The following AGBL4 variants were observed in gnomAD, a reference collection of about 807,000 sequenced individuals.
AGBL4 encodes cytosolic carboxypeptidase 6.
Under a neutral mutation model 66.4 loss-of-function variants are expected in AGBL4, and 58 were observed. The ratio of observed to expected loss-of-function variants is 0.87; its 90% CI spans 0.71 to 1.09. The LOEUF is 1.09. Ranked by LOEUF, AGBL4 falls within the 50% of genes least tolerant of loss-of-function variation. AGBL4 has a pLI of 0.00. For synonymous variants in AGBL4, 234 were observed against 222.9 expected (o/e 1.05, Z -0.44); for missense variants, 579 against 631.0 (o/e 0.92, Z 0.88).
At chr1:49,529,668 C>A (rs1176881839) in intron 3 of AGBL4, among the ~76,000 whole-genome samples, 2 of 152,042 alleles carry the variant, frequency 1.3e-5, no homozygotes, top group South Asian at 2.1e-4. Context: ...CAGCGCAAGA[C>A]CCTGTCTCAA....
chr1:49,775,800 C>T (rs1396825925), intron 2 of AGBL4, among the ~76,000 whole-genome samples: 5 of 151,878 alleles, frequency 3.3e-5, no homozygotes, highest in African/African-American at 9.6e-5. Flanking sequence ...CTTATAATAA[C>T]CTATAATAAT....
chr1:49,864,495 G>A (rs1317454032), intron 1 of AGBL4, among the ~76,000 whole-genome samples: 1 of 152,122 alleles, frequency 6.6e-6, no homozygotes, highest in Non-Finnish European at 1.5e-5. Flanking sequence ...CTCTCATTAG[G>A]AAAGACTAGG....
At chr1:49,380,578 T>C (rs1644580201) in intron 3 of AGBL4, among the ~76,000 whole-genome samples, 1 of 152,086 alleles carries the variant, frequency 6.6e-6, no homozygotes, top group South Asian at 2.1e-4. Context: ...GGCATCACGC[T>C]ACCTGACTTC....
At chr1:48,680,325 G>A (rs1219846974) in intron 6 of AGBL4, among the ~76,000 whole-genome samples, 1 of 152,176 alleles carries the variant, frequency 6.6e-6, no homozygotes, top group Non-Finnish European at 1.5e-5. Flanking sequence ...GATCGTGTCC[G>A]TTACCTTGCA....
chr1:49,717,948 C>T (rs141982266), intron 2 of AGBL4, among the ~76,000 whole-genome samples: 4 of 152,146 alleles, frequency 2.6e-5, no homozygotes, highest in East Asian at 1.9e-4. Flanking sequence ...ATGAAGCTAA[C>T]GATCAAGCTG....
At chr1:49,076,192 G>T (rs986741659) in intron 4 of AGBL4, among the ~76,000 whole-genome samples, 44 of 152,232 alleles carry the variant, frequency 2.9e-4, no homozygotes, top group African/African-American at 1.1e-3. Context: ...TTATCCCTCA[G>T]TATCTGTAGG....
chr1:49,481,100 G>T (rs1248777608), intron 3 of AGBL4, among the ~76,000 whole-genome samples: 3 of 152,056 alleles, frequency 2.0e-5, no homozygotes, highest in African/African-American at 7.2e-5. Flanking sequence ...ACTTAGGGTT[G>T]CCTTGGCTTT....
At chr1:50,009,387 A>G (rs1405493077) in intron 1 of AGBL4, among the ~76,000 whole-genome samples, 1 of 152,204 alleles carries the variant, frequency 6.6e-6, no homozygotes, top group Non-Finnish European at 1.5e-5. Context: ...ATGATACATC[A>G]TATCAACAGA....
At chr1:48,685,398 C>T (rs189516581) in intron 6 of AGBL4, among the ~76,000 whole-genome samples, 53 of 152,244 alleles carry the variant, frequency 3.5e-4, no homozygotes, top group African/African-American at 1.1e-3. Context: ...AGGAATTAGA[C>T]GAGAAGACTT....
intron 4 of AGBL4, among the ~76,000 whole-genome samples, chr1:49,229,735 C>T (rs1650165274): frequency 6.6e-6 from 1 of 152,102 alleles, no homozygotes; most frequent in Non-Finnish European, 1.5e-5. Flanking sequence ...AAATGAGTAA[C>T]CAGATCTGCT....
At chr1:49,493,840 G>A (rs1647290680) in intron 3 of AGBL4, among the ~76,000 whole-genome samples, 1 of 151,928 alleles carries the variant, frequency 6.6e-6, no homozygotes, top group Non-Finnish European at 1.5e-5. Flanking sequence ...AGTAAATAGA[G>A]TTTATTTAGA....
intron 2 of AGBL4, among the ~76,000 whole-genome samples, chr1:49,775,361 T>C: frequency 6.6e-6 from 1 of 152,186 alleles, no homozygotes; most frequent in East Asian, 1.9e-4. Flanking sequence ...TGTTATTCAA[T>C]AAGTACTAAT....
intron 3 of AGBL4, among the ~76,000 whole-genome samples, chr1:49,258,287 C>A (rs544158148): frequency 5.9e-5 from 9 of 152,138 alleles, no homozygotes; most frequent in African/African-American, 2.2e-4. Flanking sequence ...TCACCAGCAA[C>A]GGAACAAAGC....
At chr1:50,005,655 T>G (rs1250227263) in intron 1 of AGBL4, among the ~76,000 whole-genome samples, 4 of 152,172 alleles carry the variant, frequency 2.6e-5, no homozygotes, top group Non-Finnish European at 4.4e-5. Context: ...AACAATGAAC[T>G]AAATAAGTCA....
At chr1:48,526,387 A>T in the AGBL4 span, among the ~76,000 whole-genome samples, 1 of 152,176 alleles carries the variant, frequency 6.6e-6, no homozygotes, top group Non-Finnish European at 1.5e-5. Flanking sequence ...CAGGGAAATG[A>T]GGAGAATAAT....
At chr1:49,867,620 A>G (rs921202125) in intron 1 of AGBL4, among the ~76,000 whole-genome samples, 1 of 151,662 alleles carries the variant, frequency 6.6e-6, no homozygotes, top group Admixed American at 6.6e-5. Context: ...ATCTGGCCAA[A>G]CTAAGCTTCA....
At chr1:49,743,495 C>T (rs1309000279) in intron 2 of AGBL4, among the ~76,000 whole-genome samples, 10 of 152,116 alleles carry the variant, frequency 6.6e-5, no homozygotes, top group Admixed American at 1.3e-4. Flanking sequence ...GTTAGTGTGG[C>T]GATTCCTCAG....
At chr1:48,823,570 G>A (rs1342683712) in intron 6 of AGBL4, among the ~76,000 whole-genome samples, 1 of 152,176 alleles carries the variant, frequency 6.6e-6, no homozygotes, top group Non-Finnish European at 1.5e-5. Flanking sequence ...TCAAAACCCA[G>A]CTTCAATGCC....
chr1:49,384,069 A>G (rs1644683199), intron 3 of AGBL4, among the ~76,000 whole-genome samples: 1 of 152,058 alleles, frequency 6.6e-6, no homozygotes. Flanking sequence ...TGCTGGGACT[A>G]TAGGCATGAG....
Sources: allele counts gnomAD v4.1 joint callset (sites outside exome capture counted in the v4.1 genomes callset), GRCh38; gene constraint gnomAD v4.1.1; transcripts MANE v1.5; gene names NCBI Gene and HGNC (gene_info 2026-07-23, HGNC 2026-07-21).